UMOD: variants seen among roughly 807,000 people sequenced by gnomAD.
UMOD encodes Tamm-Horsfall urinary glycoprotein.
UMOD carries 64 observed loss-of-function variants against 66.0 expected under a neutral mutation model. The observed-to-expected ratio is 0.97, with a 90% CI of 0.79 to 1.19. The LOEUF (loss-of-function observed/expected upper bound fraction) is 1.19. UMOD is among the 50% of genes most tolerant of loss of function. The probability of loss-of-function intolerance (pLI) is 0.00; values close to 1 mark genes in which losing one functional copy is unlikely to be tolerated. For synonymous variants in UMOD, 398 were observed against 352.7 expected, an observed-to-expected ratio of 1.13 and a Z score of -1.44; for missense variants, 764 against 850.9, an observed-to-expected ratio of 0.90 and a Z score of 1.27.
chr16:20,343,300 A>C (rs1395135028), intron 6 of UMOD, among the ~76,000 whole-genome samples: 1 of 152,230 alleles, frequency 6.6e-6, no homozygotes, highest in East Asian at 1.9e-4. Flanking sequence ...ACCCAGTATG[A>C]ATAGTTTACC....
upstream of UMOD, chr16:20,356,189 C>T (rs1966026288): frequency 6.6e-6 from 1 of 152,224 alleles, no homozygotes; most frequent in Non-Finnish European, 1.5e-5. Flanking sequence ...ACCTGTCCCA[C>T]CTACCTCTCT....
rs761538734 is a variant in UMOD, at chr16:20,348,587, G to C, written c.714C>G (p.Ser238Arg). The change falls in exon 3 of 11, where the codon AGC becomes AGG. Residue 238 changes from serine to arginine, a missense_variant. Coordinates refer to ENST00000396138, the MANE Select transcript of UMOD (RefSeq NM_003361.4). Reference protein sequence around the residue: ...PMWLNGTHPSSDEGIVSRKAC... With the variant: ...PMWLNGTHPSRDEGIVSRKAC... The stretch of plus-strand genomic sequence containing the variant: ...CCTTGCGGCTCACGATGCCCTCGTC[G>C]CTGGACGGATGCGTGCCATTGAGCC... The C allele has an allele frequency of 1.6e-5, 25 of 1,593,086 alleles. No individual in the cohort carries two copies. In the South Asian group the frequency reaches 2.7e-4, roughly 17 times the overall value.
At chr16:20,354,184 T>G (rs184451592), upstream of UMOD, among the ~76,000 whole-genome samples, 1,440 of 152,300 alleles carry the variant, frequency 9.5e-3, 25 homozygotes, top group African/African-American at 0.033. Context: ...GTTCCAAGTC[T>G]TTGCTATTGT....
chr16:20,340,550 G>A (rs1424342714), intron 7 of UMOD, among the ~76,000 whole-genome samples: 1 of 150,106 alleles, frequency 6.7e-6, no homozygotes, highest in African/African-American at 2.5e-5. Flanking sequence ...TAAATAATAA[G>A]GTCTAGTGAA....
rs74778184 is a variant in UMOD at position 20,349,814 on chromosome 16, G to T, written c.89-602C>A. On this transcript the variant is annotated intron_variant, in intron 2 of 10. Transcript: ENST00000396138. ...CTTCATCAGGACCCTGCTCAGTGTCGCCTCCTCTCTGCGGAGTCCTCCAAC... is the reference window on the plus strand; with the variant it reads ...CTTCATCAGGACCCTGCTCAGTGTCTCCTCCTCTCTGCGGAGTCCTCCAAC... The T allele has an allele frequency of 1.9e-6, 3 of 1,549,260 alleles. No homozygotes were observed. The highest frequency in any genetic ancestry group is 2.6e-6 in the Non-Finnish European group (3 of 1,146,606).
At chr16:20,344,200 GGGT>G in intron 5 of UMOD, 28 bp from the exon 6 acceptor site, 1 of 1,475,584 alleles carries the variant, frequency 6.8e-7, no homozygotes, top group Non-Finnish European at 9.4e-7. Context: ...GGTGGAGGGG[GGGT>G]GGGGATGAGA....
At chr16:20,334,392 A>G (rs191101580) in intron 10 of UMOD, among the ~76,000 whole-genome samples, 45 of 152,298 alleles carry the variant, frequency 3.0e-4, no homozygotes, top group Non-Finnish European at 4.3e-4. Context: ...GTATGTTCAT[A>G]TCCTTTGGGT....
chr16:20,341,288 C>T lies in UMOD; in HGVS notation c.1380G>A (p.Met460Ile). 1 of 1,614,044 alleles carries T rather than the reference C, an allele frequency of 6.2e-7. No individual in the cohort carries two copies. Among genetic ancestry groups the T allele is most frequent in the Non-Finnish European group, 8.5e-7 (1 of 1,180,008 alleles). ...TGTAGGAAGGGGTCTGGAAGAGCGCCATCCGCACGGTGAACATGCCGGTCC... is the reference window on the plus strand; with the variant it reads ...TGTAGGAAGGGGTCTGGAAGAGCGCTATCCGCACGGTGAACATGCCGGTCC... ...VGGTGMFTVR[M>I]ALFQTPSYTQ... Residue 460 changes from methionine to isoleucine, a missense_variant, in exon 7 of 11, where the codon ATG (methionine) becomes ATA (isoleucine). Physicochemically the swap from Met to Ile is conservative, Grantham distance 10. Coordinates refer to ENST00000396138, the MANE Select transcript of UMOD (RefSeq NM_003361.4).
intron 6 of UMOD, among the ~76,000 whole-genome samples, chr16:20,341,686 C>T (rs190788083): frequency 6.6e-6 from 1 of 151,768 alleles, no homozygotes; most frequent in East Asian, 1.9e-4. Context: ...CTTTGCTACC[C>T]CTGTAGCTTT....
chr16:20,342,494 C>A (rs185741296), intron 6 of UMOD: 6 of 152,396 alleles, frequency 3.9e-5, no homozygotes, highest in Non-Finnish European at 7.3e-5. Context: ...AATGAGCACT[C>A]TTCTTCCTCC....
rs1262282267 is a variant in UMOD at position 20,348,238 on chromosome 16, C to A, written c.958G>T (p.Asp320Tyr). ...NGRWHCQCKQ[D>Y]FNITDISLLE... ...CTGGCCTCACCAGTGATGTTGAAGT[C>A]CTGTTTGCACTGGCAGTGCCATCTG... is the stretch of plus-strand genomic sequence containing the variant. The change falls in exon 4 of 11, where the codon GAC becomes TAC. Residue 320 changes from aspartate to tyrosine, a missense_variant. Coordinates refer to ENST00000396138, the MANE Select transcript of UMOD (RefSeq NM_003361.4). 1 of 1,614,128 alleles carries A rather than the reference C, an allele frequency of 6.2e-7. No individual in the cohort carries two copies. The highest frequency in any genetic ancestry group is 1.7e-5 in the Admixed American group (1 of 60,032).
chr16:20,345,480 T>TTCCATCCCTCCCTCCCTCCC (rs1965515937), intron 5 of UMOD, among the ~76,000 whole-genome samples: 1 of 28,186 alleles, frequency 3.5e-5, no homozygotes, highest in Non-Finnish European at 9.3e-5. Context: ...CCTTCCTTCC[T>TTCCATCCCTCCCTCCCTCCC]TCCCTCCCTC....
chr16:20,354,708 G>A (rs1203394092), upstream of UMOD, among the ~76,000 whole-genome samples: 1 of 152,084 alleles, frequency 6.6e-6, no homozygotes, highest in Non-Finnish European at 1.5e-5. Context: ...ATTCATAAGT[G>A]TAATCACCAT....
chr16:20,335,549 A>G, intron 9 of UMOD, 29 bp from the exon 10 acceptor site: 1 of 1,611,500 alleles, frequency 6.2e-7, no homozygotes, highest in East Asian at 2.2e-5. Flanking sequence ...GGATCAGTGA[A>G]TAAAGAATGC....
chr16:20,346,066 T>A, intron 5 of UMOD, 60 bp downstream of exon 5: 1 of 1,523,968 alleles, frequency 6.6e-7, no homozygotes, highest in Non-Finnish European at 9.1e-7. Context: ...TAGGAAGTGA[T>A]AGAGCTGAAG....
At chr16:20,343,860 G>T (rs978003351) in intron 6 of UMOD, among the ~76,000 whole-genome samples, 164 bp downstream of exon 6, 1 of 152,196 alleles carries the variant, frequency 6.6e-6, no homozygotes, top group Non-Finnish European at 1.5e-5. Flanking sequence ...ACAAAGTCTA[G>T]ATTTGAACCT....
In UMOD at chr16:20,333,072, T is replaced by C; in HGVS notation, c.*242A>G. On this transcript the variant is annotated 3_prime_UTR_variant, in exon 11 of 11. Transcript: ENST00000396138. ...AGACTGAGATTTAAAAATCATTATT[T>C]TGCCACACTCTTTAAGGAGATGGGG... 1 of 517,874 alleles carries C rather than the reference T, an allele frequency of 1.9e-6. No individual in the cohort carries two copies. The highest frequency in any genetic ancestry group is 3.6e-5 in the East Asian group (1 of 27,926). The allele number at this position is 517,874 out of a possible 1,614,324, so 32.1% of individuals were successfully genotyped here.
Position 20,348,425 on chromosome 16 carries a change from C to T in UMOD, c.865+11G>A. The T allele has an allele frequency of 1.2e-6, 2 of 1,614,068 alleles. No homozygotes were observed. Among genetic ancestry groups the T allele is most frequent in the South Asian group, 1.1e-5 (1 of 91,076 alleles). Reference sequence around the variant, plus strand: ...GCCTGGGATGAGGACTGTGGGGAGACTCCGGCTGACCTGTGCAGTACGCCA... The same window carrying T: ...GCCTGGGATGAGGACTGTGGGGAGATTCCGGCTGACCTGTGCAGTACGCCA... On this transcript the variant is annotated intron_variant, in intron 3 of 10. Transcript: ENST00000396138.
intron 7 of UMOD, 63 bp downstream of exon 7, chr16:20,341,028 C>T (rs1324008161): frequency 6.7e-6 from 10 of 1,496,922 alleles, no homozygotes; most frequent in South Asian, 4.7e-5. Flanking sequence ...TTTCCTCCAT[C>T]CAAGTCCAAA....
Sources: gnomAD v4.1 joint callset for allele counts (sites outside exome capture counted in the v4.1 genomes callset) on GRCh38, gnomAD v4.1.1 for gene constraint, MANE v1.5 for transcripts, NCBI Gene and HGNC (gene_info 2026-07-23, HGNC 2026-07-21) for gene names.